CADPS: variants seen among roughly 807,000 people sequenced by gnomAD.
CADPS encodes calcium-dependent secretion activator 1.
In CADPS, 57 loss-of-function variants were observed where a neutral mutation model predicts 167.3. The observed-to-expected ratio is 0.34, with a 90% CI of 0.28 to 0.42. CADPS has a LOEUF of 0.42. Ranked by LOEUF, CADPS falls within the 20% of genes least tolerant of loss-of-function variation. The pLI, the probability that CADPS is intolerant of heterozygous loss-of-function variation, is 1.00. For synonymous variants in CADPS, 676 were observed against 635.3 expected (o/e 1.06, Z -0.96); for missense variants, 1,414 against 1,738.1 (o/e 0.81, Z 3.32).
chr3:62,595,511 T>G (rs1025817559), intron 6 of CADPS, among the ~76,000 whole-genome samples: 1 of 152,216 alleles, frequency 6.6e-6, no homozygotes, highest in African/African-American at 2.4e-5. Flanking sequence ...TTTCACAGAC[T>G]AGTTGTAAAG....
At chr3:62,819,514 G>GC (rs370677495) in intron 1 of CADPS, among the ~76,000 whole-genome samples, 3 of 151,434 alleles carry the variant, frequency 2.0e-5, no homozygotes, top group African/African-American at 4.9e-5. Flanking sequence ...GAAAGGCATG[G>GC]CCCCCCCTTC....
At chr3:62,479,876 C>G (rs1401320804) in intron 22 of CADPS, among the ~76,000 whole-genome samples, 1 of 152,156 alleles carries the variant, frequency 6.6e-6, no homozygotes. Context: ...TTCAGCCTTC[C>G]CCCTGCCCCA....
intron 3 of CADPS, among the ~76,000 whole-genome samples, chr3:62,723,314 T>A (rs2076150993): frequency 1.3e-5 from 2 of 152,094 alleles, no homozygotes; most frequent in Non-Finnish European, 2.9e-5. Flanking sequence ...TGAACCCGAG[T>A]GTGACCAGGC....
chr3:62,595,896 G>C (rs1034109210), intron 6 of CADPS, among the ~76,000 whole-genome samples: 1 of 152,010 alleles, frequency 6.6e-6, no homozygotes, highest in South Asian at 2.1e-4. Flanking sequence ...GGAGAGACTG[G>C]CTTAGCCTTC....
intron 1 of CADPS, among the ~76,000 whole-genome samples, chr3:62,806,898 TA>T (rs1251439901): frequency 1.3e-5 from 2 of 152,342 alleles, no homozygotes; most frequent in Non-Finnish European, 2.9e-5. Flanking sequence ...TCTTCCTGAA[TA>T]AGATTCTGGA....
At chr3:62,813,842 A>G (rs145126272) in intron 1 of CADPS, among the ~76,000 whole-genome samples, 1 of 152,260 alleles carries the variant, frequency 6.6e-6, no homozygotes, top group African/African-American at 2.4e-5. Flanking sequence ...GTGGCCAACA[A>G]ACAGCAGAGG....
Position 62,433,746 on chromosome 3 carries a change from A to G in CADPS, c.3777+4358T>C, listed in dbSNP as rs576685112. On this transcript the variant is annotated intron_variant, in intron 28 of 29. Coordinates refer to ENST00000383710, the MANE Select transcript of CADPS (RefSeq NM_003716.4). The surrounding 1 kb of genome is among the most constrained non-coding windows in gnomAD (Gnocchi z 4.7). Reference sequence around the variant, plus strand: ...CTCTTTTAATCCCGATTTTCTTCTCAGTCTGTGTCTTCAAGAAGTACAAGG... The same window carrying G: ...CTCTTTTAATCCCGATTTTCTTCTCGGTCTGTGTCTTCAAGAAGTACAAGG... Among the ~76,000 whole-genome samples the G allele has an allele frequency of 4.6e-5, 7 of 152,334 alleles. 1 individual carries two copies. The South Asian group carries it at 1.4e-3, about 32-fold the overall frequency.
Position 62,830,399 on chromosome 3 carries a change from A to T in CADPS, c.441+44190T>A, listed in dbSNP as rs879812658. Among the ~76,000 whole-genome samples the T allele has an allele frequency of 2.0e-5, 3 of 152,198 alleles. No homozygotes were observed. In the South Asian group the frequency reaches 6.2e-4, roughly 32 times the overall value. On this transcript the variant is annotated intron_variant, in intron 1 of 29. Transcript: ENST00000383710. Reference sequence around the variant, plus strand: ...CTTTCTCCTAGTCCACTTTAATAGCAATCAGCTGCTGACAATCTTTTTCCC... The same window carrying T: ...CTTTCTCCTAGTCCACTTTAATAGCTATCAGCTGCTGACAATCTTTTTCCC...
At chr3:62,700,623 A>G (rs1360923920) in intron 3 of CADPS, among the ~76,000 whole-genome samples, 2 of 151,924 alleles carry the variant, frequency 1.3e-5, no homozygotes, top group African/African-American at 2.4e-5. Context: ...TGACACCCTA[A>G]CCTCTGTTTA....
intron 1 of CADPS, 88 bp from the exon 2 acceptor site, chr3:62,766,072 G>A (rs1432639973): frequency 5.6e-6 from 5 of 897,898 alleles, no homozygotes; most frequent in South Asian, 1.6e-5. Flanking sequence ...CAGACCCATT[G>A]GTGTATTGGA....
intron 6 of CADPS, among the ~76,000 whole-genome samples, chr3:62,639,743 C>A (rs972236886): frequency 6.6e-6 from 1 of 152,092 alleles, no homozygotes; most frequent in Non-Finnish European, 1.5e-5. Flanking sequence ...AAGTTTAAAC[C>A]CTTTGCGTGG....
At chr3:62,804,071 G>C (rs139343486) in intron 1 of CADPS, among the ~76,000 whole-genome samples, 1 of 152,170 alleles carries the variant, frequency 6.6e-6, no homozygotes, top group Non-Finnish European at 1.5e-5. Context: ...GTGCCTCCCT[G>C]CTCCTTGAAC....
chr3:62,823,321 T>C (rs2073370350), intron 1 of CADPS, among the ~76,000 whole-genome samples: 2 of 152,008 alleles, frequency 1.3e-5, no homozygotes, highest in Non-Finnish European at 2.9e-5. Flanking sequence ...GCTGGAAAAA[T>C]ATATTTTTAG....
Position 62,769,240 on chromosome 3 carries a change from A to T in CADPS, c.442-3256T>A, listed in dbSNP as rs531287684. ...TTAATTCTCATCTTTTTTTTTTTTT[A>T]AAACAAACAAAAAAACAGAGTCTCA... On this transcript the variant is annotated intron_variant, in intron 1 of 29. Transcript: ENST00000383710. 1.3e-3 allele frequency among the ~76,000 whole-genome samples: 172 copies of T among 135,826 alleles called. 2 individuals are homozygous for T. In the South Asian group the frequency reaches 0.022, roughly 17 times the overall value. 89.1% of individuals were successfully genotyped at this position (135,826 alleles called of 152,430 possible). A position where few individuals can be genotyped will look rare whatever the true frequency, so the allele number is the denominator to read the frequency against.
At chr3:62,818,800 A>G (rs921421925) in intron 1 of CADPS, among the ~76,000 whole-genome samples, 7 of 152,240 alleles carry the variant, frequency 4.6e-5, no homozygotes, top group Non-Finnish European at 1.0e-4. Context: ...AGGAGAATAG[A>G]TACGTAAATT....
Position 62,579,646 on chromosome 3 carries a change from T to C in CADPS, c.1577+5539A>G, listed in dbSNP as rs542101974. 2.0e-5 allele frequency among the ~76,000 whole-genome samples: 3 copies of C among 152,106 alleles called. No homozygotes were observed. In the South Asian group the frequency reaches 6.3e-4, roughly 32 times the overall value. On this transcript the variant is annotated intron_variant, in intron 8 of 29. Coordinates refer to ENST00000383710, the MANE Select transcript of CADPS (RefSeq NM_003716.4). ...AAGGGTCTTGAGATGGGGGTGTACT[T>C]TGTGCCTAGGAGGAAAAGCAAGGAG...
intron 13 of CADPS, 122 bp downstream of exon 13, chr3:62,532,746 TGTG>T: frequency 1.5e-6 from 1 of 648,228 alleles, no homozygotes; most frequent in Non-Finnish European, 2.7e-6. Flanking sequence ...TGTGTGTGTG[TGTG>T]TACGTGTGCA....
At chr3:62,568,289 G>T (rs1577972947) in intron 9 of CADPS, among the ~76,000 whole-genome samples, 1 of 152,332 alleles carries the variant, frequency 6.6e-6, no homozygotes, top group East Asian at 1.9e-4. Context: ...TGAGGGTGTT[G>T]CCAGAGAAGA....
At chr3:62,594,441 G>A (rs1350951603) in intron 6 of CADPS, among the ~76,000 whole-genome samples, 1 of 152,152 alleles carries the variant, frequency 6.6e-6, no homozygotes, top group Non-Finnish European at 1.5e-5. Context: ...GATTACAGGC[G>A]TGAGCCACCG....
Sources: allele counts gnomAD v4.1 joint callset (sites outside exome capture counted in the v4.1 genomes callset), GRCh38; gene constraint gnomAD v4.1.1; non-coding constraint Gnocchi (gnomAD v3.1); transcripts MANE v1.5; gene names NCBI Gene and HGNC (gene_info 2026-07-23, HGNC 2026-07-21).